WDFY3: variants seen among roughly 807,000 people sequenced by gnomAD.
The protein encoded by WDFY3 is WD repeat and FYVE domain-containing protein 3.
WDFY3 carries 66 observed loss-of-function variants against 409.6 expected under a neutral mutation model. The observed-to-expected ratio is 0.16, with a 90% CI of 0.13 to 0.20. The LOEUF is 0.20. WDFY3 is among the 10% of genes least tolerant of loss of function. The pLI, the probability that WDFY3 is intolerant of heterozygous loss-of-function variation, is 1.00. For synonymous variants in WDFY3, 1,521 were observed against 1,537.1 expected (o/e 0.99, Z 0.25); for missense variants, 3,031 against 4,298.1 (o/e 0.71, Z 8.24).
intron 1 of WDFY3, among the ~76,000 whole-genome samples, chr4:84,955,007 C>A (rs902004851): frequency 1.3e-5 from 2 of 152,016 alleles, no homozygotes; most frequent in African/African-American, 4.8e-5. Context: ...GAGTTGAAGA[C>A]CAGCCTGGCC....
intron 2 of WDFY3, among the ~76,000 whole-genome samples, chr4:84,908,810 A>T (rs555104805): frequency 2.0e-5 from 3 of 152,122 alleles, no homozygotes; most frequent in Non-Finnish European, 4.4e-5. Flanking sequence ...TAGTGTTCTA[A>T]GGTTGAAACT....
At chr4:84,717,701 A>G (rs1453598915) in intron 48 of WDFY3, among the ~76,000 whole-genome samples, 1 of 152,114 alleles carries the variant, frequency 6.6e-6, no homozygotes, top group Non-Finnish European at 1.5e-5. Flanking sequence ...TCAGTCAGTA[A>G]ATCTCTGCTA....
At chr4:84,863,691 C>T (rs1020585001) in intron 3 of WDFY3, among the ~76,000 whole-genome samples, 2 of 152,084 alleles carry the variant, frequency 1.3e-5, no homozygotes, top group Non-Finnish European at 2.9e-5. Flanking sequence ...ATATTAAAGT[C>T]TTTATTCCAT....
At chr4:84,721,967 A>G (rs1734924493) in intron 46 of WDFY3, among the ~76,000 whole-genome samples, 1 of 152,238 alleles carries the variant, frequency 6.6e-6, no homozygotes, top group African/African-American at 2.4e-5. Flanking sequence ...AATTCTCAAT[A>G]GTGTCAGGTA....
chr4:84,878,159 G>GA (rs1290821582), intron 3 of WDFY3, among the ~76,000 whole-genome samples: 1 of 152,090 alleles, frequency 6.6e-6, no homozygotes, highest in African/African-American at 2.4e-5. Flanking sequence ...GGGGCAGAAG[G>GA]AAAAAAATTA....
chr4:84,803,956 T>A (rs1189903215), intron 15 of WDFY3: 1 of 152,804 alleles, frequency 6.5e-6, no homozygotes, highest in Non-Finnish European at 1.5e-5. Flanking sequence ...TGAGTCAGGG[T>A]TGTCTCAGAG....
intron 24 of WDFY3, among the ~76,000 whole-genome samples, chr4:84,784,400 C>T (rs983201840): frequency 6.6e-6 from 1 of 152,124 alleles, no homozygotes; most frequent in African/African-American, 2.4e-5. Context: ...CCTCCCAACT[C>T]TACTCTTTTT....
intron 5 of WDFY3, among the ~76,000 whole-genome samples, chr4:84,844,691 A>G (rs1274848969): frequency 6.6e-6 from 1 of 152,182 alleles, no homozygotes; most frequent in Non-Finnish European, 1.5e-5. Context: ...TTAATAATAA[A>G]CTAAAGATAC....
Position 84,849,980 on chromosome 4 carries a change from C to G in WDFY3, c.226G>C (p.Asp76His). The change falls in exon 5 of 68, where the codon GAT (aspartate) becomes CAT (histidine). Residue 76 changes from aspartate to histidine, a missense_variant. Physicochemically the swap from Asp to His is moderately conservative, Grantham distance 81. Around this residue, in one of 16 missense-constraint regions of WDFY3, gnomAD observed 1,322 missense variants for 1,697.9 expected, o/e 0.78. Coordinates refer to ENST00000295888, the MANE Select transcript of WDFY3 (RefSeq NM_014991.6). ...PPNTMTEKFS[D>H]LLQFTTQVSR... Reference sequence around the variant, plus strand: ...ACTTGTGTTGTGAACTGCAGAAGATCAGAAAATTTTTCTGTCATTGTATTC... The same window carrying G: ...ACTTGTGTTGTGAACTGCAGAAGATGAGAAAATTTTTCTGTCATTGTATTC... The G allele has an allele frequency of 1.2e-6, 2 of 1,608,616 alleles. No individual in the cohort carries two copies. The highest frequency in any genetic ancestry group is 1.7e-6 in the Non-Finnish European group (2 of 1,177,830).
intron 4 of WDFY3, among the ~76,000 whole-genome samples, chr4:84,858,756 C>A (rs1418740461): frequency 2.1e-5 from 3 of 145,702 alleles, no homozygotes; most frequent in Non-Finnish European, 4.5e-5. Context: ...CTACAGGGGA[C>A]AGAGCCAGTC....
chr4:84,801,548 T>C, intron 17 of WDFY3, 102 bp downstream of exon 17: 1 of 1,277,820 alleles, frequency 7.8e-7, no homozygotes, highest in South Asian at 1.7e-5. Context: ...TGCCCATAGA[T>C]AACTGAATAT....
At chr4:84,871,762 G>C (rs1051869492) in intron 3 of WDFY3, among the ~76,000 whole-genome samples, 1 of 152,024 alleles carries the variant, frequency 6.6e-6, no homozygotes, top group Non-Finnish European at 1.5e-5. Context: ...AGTCTTCTGA[G>C]TAGTTGGGAC....
At chr4:84,744,330 C>A (rs1738975596) in intron 36 of WDFY3, among the ~76,000 whole-genome samples, 1 of 151,616 alleles carries the variant, frequency 6.6e-6, no homozygotes, top group South Asian at 2.1e-4. Context: ...ATCAAGAGGG[C>A]ATGTCAATAG....
chr4:84,744,015 T>A (rs1738898626), intron 36 of WDFY3, among the ~76,000 whole-genome samples: 1 of 150,344 alleles, frequency 6.7e-6, no homozygotes, highest in African/African-American at 2.4e-5. Context: ...AGGTGAAACA[T>A]CATCTTCTTT....
intron 56 of WDFY3, among the ~76,000 whole-genome samples, chr4:84,701,013 A>C (rs1399271276): frequency 1.3e-5 from 2 of 152,198 alleles, no homozygotes; most frequent in African/African-American, 4.8e-5. Flanking sequence ...GGGAGGCTGC[A>C]GCACGAGAAT....
At chr4:84,849,636 T>C (rs1173651254) in intron 5 of WDFY3, 1 of 222,896 alleles carries the variant, frequency 4.5e-6, no homozygotes, top group Non-Finnish European at 8.6e-6. Context: ...GGAATTTGTA[T>C]TTTGCTCAAA....
At chr4:84,887,294 A>G (rs1764366697) in intron 3 of WDFY3, among the ~76,000 whole-genome samples, 1 of 152,174 alleles carries the variant, frequency 6.6e-6, no homozygotes, top group African/African-American at 2.4e-5. Flanking sequence ...GAGTGTTAGG[A>G]AAGAGAAGCA....
intron 6 of WDFY3, among the ~76,000 whole-genome samples, chr4:84,837,950 A>ACTATGAC (rs1281988345): frequency 6.6e-6 from 1 of 152,210 alleles, no homozygotes; most frequent in African/African-American, 2.4e-5. Context: ...GTCCTAAGTA[A>ACTATGAC]CTATGACTTA....
At chr4:84,734,454 C>T in intron 43 of WDFY3, among the ~76,000 whole-genome samples, 1 of 152,036 alleles carries the variant, frequency 6.6e-6, no homozygotes, top group Non-Finnish European at 1.5e-5. Context: ...AGTGTTATAT[C>T]CGTAAAATAT....
Sources: gnomAD v4.1 joint callset for allele counts (sites outside exome capture counted in the v4.1 genomes callset) on GRCh38, gnomAD v4.1.1 for gene constraint, gnomAD v4.1.1 regional missense constraint, MANE v1.5 for transcripts, NCBI Gene and HGNC (gene_info 2026-07-23, HGNC 2026-07-21) for gene names.